The following CSTPP1 variants were observed in gnomAD, a reference collection of about 807,000 sequenced individuals.
CSTPP1 encodes centriolar satellite-associated tubulin polyglutamylase complex regulator 1.
chr11:47,055,201 G>A, the CSTPP1 span, among the ~76,000 whole-genome samples: 4 of 152,006 alleles, frequency 2.6e-5, no homozygotes, highest in Admixed American at 1.3e-4. Context: ...CCAAAGTGCT[G>A]GGGTTATAGG....
At chr11:47,066,784 C>A in the CSTPP1 span, among the ~76,000 whole-genome samples, 1 of 152,206 alleles carries the variant, frequency 6.6e-6, no homozygotes, top group African/African-American at 2.4e-5. Flanking sequence ...ACCACCACTA[C>A]AACTGTCGTC....
At chr11:47,105,219 G>A in the CSTPP1 span, among the ~76,000 whole-genome samples, 1 of 152,170 alleles carries the variant, frequency 6.6e-6, no homozygotes, top group Non-Finnish European at 1.5e-5. Flanking sequence ...CAAGGGCCAG[G>A]CATGGTGGCT....
the CSTPP1 span, among the ~76,000 whole-genome samples, chr11:47,005,933 C>T: frequency 2.0e-5 from 3 of 152,078 alleles, no homozygotes; most frequent in Non-Finnish European, 2.9e-5. Flanking sequence ...TGAGTGCCTA[C>T]GTCTTAGCGT....
chr11:47,127,263 C>T, the CSTPP1 span, among the ~76,000 whole-genome samples: 1 of 152,158 alleles, frequency 6.6e-6, no homozygotes. Flanking sequence ...CTTTTCCCTG[C>T]CCCACAAAAT....
the CSTPP1 span, chr11:47,155,498 G>T: frequency 1.2e-5 from 7 of 574,758 alleles, no homozygotes; most frequent in Non-Finnish European, 1.9e-5. Context: ...AGTGTTTTCA[G>T]TCAGCAACGC....
the CSTPP1 span, among the ~76,000 whole-genome samples, chr11:46,985,808 T>C: frequency 1.3e-5 from 2 of 152,224 alleles, no homozygotes; most frequent in African/African-American, 4.8e-5. Context: ...TAAGTACCAT[T>C]ATTATCCCCA....
chr11:47,023,116 G>C, the CSTPP1 span, among the ~76,000 whole-genome samples: 2 of 152,090 alleles, frequency 1.3e-5, no homozygotes, highest in Non-Finnish European at 2.9e-5. Context: ...CACATTTTCA[G>C]TAGCAAAGCC....
chr11:47,065,813 G>A, the CSTPP1 span, among the ~76,000 whole-genome samples: 386 of 151,580 alleles, frequency 2.5e-3, 1 homozygote, highest in African/African-American at 8.2e-3. Context: ...GCGTGATCTC[G>A]GTTCACTGCA....
the CSTPP1 span, among the ~76,000 whole-genome samples, chr11:47,097,619 C>T: frequency 0.013 from 916 of 71,418 alleles, no homozygotes; most frequent in Admixed American, 0.017. Flanking sequence ...CCGCCCCGTC[C>T]GGGAGGGAGG....
the CSTPP1 span, among the ~76,000 whole-genome samples, chr11:47,100,262 G>A: frequency 6.6e-6 from 1 of 152,138 alleles, no homozygotes; most frequent in Non-Finnish European, 1.5e-5. Context: ...GCCACTGGCT[G>A]CTTTTCTAAC....
chr11:46,973,523 C>G, the CSTPP1 span, among the ~76,000 whole-genome samples: 4 of 152,266 alleles, frequency 2.6e-5, no homozygotes, highest in Admixed American at 2.6e-4. Context: ...TTTTTCTGTG[C>G]CAACATCCTC....
chr11:47,006,486 T>C, the CSTPP1 span, among the ~76,000 whole-genome samples: 1 of 152,196 alleles, frequency 6.6e-6, no homozygotes, highest in Non-Finnish European at 1.5e-5. Context: ...GTGTTCTTAG[T>C]GCTTCTTGAA....
chr11:47,086,149 G>A, the CSTPP1 span, among the ~76,000 whole-genome samples: 1 of 149,674 alleles, frequency 6.7e-6, no homozygotes, highest in East Asian at 2.0e-4. Context: ...AGCACTTTGG[G>A]AGGTGGAGTC....
At chr11:47,042,253 G>A in the CSTPP1 span, among the ~76,000 whole-genome samples, 2 of 151,034 alleles carry the variant, frequency 1.3e-5, no homozygotes, top group Non-Finnish European at 1.5e-5. Flanking sequence ...AGGATGGATG[G>A]ATGGAAGAAA....
At chr11:47,088,842 G>A in the CSTPP1 span, among the ~76,000 whole-genome samples, 3 of 152,010 alleles carry the variant, frequency 2.0e-5, no homozygotes, top group South Asian at 2.1e-4. Flanking sequence ...CACTGTGCCC[G>A]GCCAAATTTT....
At chr11:47,073,827 T>C in the CSTPP1 span, among the ~76,000 whole-genome samples, 1 of 152,198 alleles carries the variant, frequency 6.6e-6, no homozygotes, top group Admixed American at 6.5e-5. Flanking sequence ...AAAAATATTT[T>C]GTAATTATTC....
the CSTPP1 span, among the ~76,000 whole-genome samples, chr11:47,071,891 G>C: frequency 6.6e-6 from 1 of 152,224 alleles, no homozygotes; most frequent in Non-Finnish European, 1.5e-5. Context: ...AACATGCTGT[G>C]ACTTGGGGAG....
chr11:47,082,141 C>T, the CSTPP1 span, among the ~76,000 whole-genome samples: 6 of 138,328 alleles, frequency 4.3e-5, no homozygotes, highest in African/African-American at 1.0e-4. Context: ...CGGAGTGAGA[C>T]CCTGTCTCAA....
chr11:47,065,299 T>G, the CSTPP1 span, among the ~76,000 whole-genome samples: 1 of 151,598 alleles, frequency 6.6e-6, no homozygotes, highest in Non-Finnish European at 1.5e-5. Flanking sequence ...TAGGTCATCT[T>G]CAGTTTCTTT....
Sources: gnomAD v4.1 joint callset for allele counts (sites outside exome capture counted in the v4.1 genomes callset) on GRCh38, gnomAD v4.1.1 for gene constraint, MANE v1.5 for transcripts, NCBI Gene and HGNC (gene_info 2026-07-23, HGNC 2026-07-21) for gene names.